The following GRAMD1A variants were observed in gnomAD, a reference collection of about 807,000 sequenced individuals.
GRAMD1A encodes protein Aster-A.
GRAMD1A carries 50 observed loss-of-function variants against 92.0 expected under a neutral mutation model. The ratio of observed to expected loss-of-function variants is 0.54; its 90% confidence interval spans 0.43 to 0.69. The LOEUF (loss-of-function observed/expected upper bound fraction) is 0.69. GRAMD1A is among the 30% of genes least tolerant of loss of function. The pLI is 0.00. For missense variants in GRAMD1A, 819 were observed against 978.9 expected, an observed-to-expected ratio of 0.84 and a Z score of 2.18; for synonymous variants, 405 against 403.6, an observed-to-expected ratio of 1.00 and a Z score of -0.04.
chr19:35,005,848 A>C, intron 1 of GRAMD1A: 8 of 456,224 alleles, frequency 1.8e-5, no homozygotes, highest in Non-Finnish European at 3.5e-5. Flanking sequence ...CATGAGCCAA[A>C]GTCCTGAAGG....
At chr19:35,020,959 GT>G (rs1225834530) in intron 13 of GRAMD1A, among the ~76,000 whole-genome samples, 1 of 152,218 alleles carries the variant, frequency 6.6e-6, no homozygotes, top group Non-Finnish European at 1.5e-5. Flanking sequence ...GATTTTGCAG[GT>G]TTAGCTGACA....
At chr19:35,022,987 T>A (rs1329206440) in intron 17 of GRAMD1A, 76 bp downstream of exon 17, 12 of 988,354 alleles carry the variant, frequency 1.2e-5, no homozygotes, top group East Asian at 3.7e-5. Flanking sequence ...CCCCACCCCA[T>A]GCCCCCCAGC....
At position 35,021,557 on chromosome 19, in the gene GRAMD1A, A is replaced by C. The variant is rs780594556; in HGVS notation, c.1531A>C (p.Ile511Leu). 3 of 1,614,028 alleles carry C rather than the reference A, an allele frequency of 1.9e-6. No individual in the cohort carries two copies. The African/African-American group carries it at 4.0e-5, about 22-fold the overall frequency. Residue 511 changes from isoleucine to leucine, a missense_variant, in exon 14 of 20, where the codon ATT becomes CTT. Coordinates refer to ENST00000317991, the MANE Select transcript of GRAMD1A (RefSeq NM_020895.5). The surrounding 1 kb of genome is among the most constrained non-coding windows in gnomAD (Gnocchi z 5.3). ...GCCGTGGAGCCTGGTGAAGTCGCTC[A>C]TTGAGAAGAACTCGTGGAGCGGCAT... ...KQPWSLVKSL[I>L]EKNSWSGIED...
At chr19:35,016,073 C>A in intron 11 of GRAMD1A, 106 bp downstream of exon 11, 3 of 1,247,514 alleles carry the variant, frequency 2.4e-6, no homozygotes, top group Non-Finnish European at 3.4e-6. Context: ...TGGGGCAAGG[C>A]GAGGTGGTGA....
At chr19:35,024,841 T>G (rs1412871558) in intron 19 of GRAMD1A, 2 of 152,306 alleles carry the variant, frequency 1.3e-5, no homozygotes, top group Non-Finnish European at 2.9e-5. Context: ...CAGGCTGGAG[T>G]GCAGTGGCAC....
chr19:35,010,237 A>G (rs928797313), intron 5 of GRAMD1A, 42 bp downstream of exon 5: 2 of 1,583,162 alleles, frequency 1.3e-6, no homozygotes, highest in Non-Finnish European at 1.7e-6. Flanking sequence ...GGGGGCCCCC[A>G]TGGCCAGGCC....
intron 1 of GRAMD1A, 77 bp from the exon 2 acceptor site, chr19:35,009,042 C>G: frequency 1.1e-6 from 1 of 917,804 alleles, no homozygotes; most frequent in African/African-American, 1.6e-5. Flanking sequence ...AATGGGTGGG[C>G]CTCTGAAAAT....
chr19:35,020,427 A>G (rs1415803884), intron 13 of GRAMD1A, among the ~76,000 whole-genome samples: 1 of 152,052 alleles, frequency 6.6e-6, no homozygotes, highest in Non-Finnish European at 1.5e-5. Context: ...AATCCCTACT[A>G]CTTGGGAGGC....
At chr19:35,007,900 A>C (rs1568320641) in intron 1 of GRAMD1A, among the ~76,000 whole-genome samples, 1 of 151,986 alleles carries the variant, frequency 6.6e-6, no homozygotes, top group Non-Finnish European at 1.5e-5. Context: ...TAAATAATGG[A>C]AATAGATTTT....
chr19:35,000,056 A>G, upstream of GRAMD1A: 2 of 985,682 alleles, frequency 2.0e-6, no homozygotes, highest in Non-Finnish European at 2.4e-6. The surrounding 1 kb of genome is among the most constrained non-coding windows in gnomAD (Gnocchi z 4.9). Context: ...TCTAGGTACT[A>G]GGGGAGGGGG....
In GRAMD1A at chr19:35,019,505, G is replaced by T; in HGVS notation, c.1447G>T (p.Gly483Cys). ...FYTAHRYCIL[G>C]LARNKARLRV... ...CACTGCCCACCGCTACTGCATCCTG[G>T]GTCTGGCCCGGAACAAGGCGCGGCT... Residue 483 changes from glycine (G) to cysteine (C), a missense_variant, in exon 13 of 20, where the codon GGT (glycine) becomes TGT (cysteine). Physicochemically the swap from Gly to Cys is radical, Grantham distance 159. Around this residue, in one of 3 missense-constraint regions of GRAMD1A, gnomAD observed 577 missense variants for 674.6 expected, o/e 0.86. Transcript: ENST00000317991. 6.2e-7 allele frequency: 1 copy of T among 1,614,054 alleles called. No homozygotes were observed.
At chr19:35,004,156 G>A (rs2014624552) in intron 1 of GRAMD1A, among the ~76,000 whole-genome samples, 1 of 152,166 alleles carries the variant, frequency 6.6e-6, no homozygotes, top group African/African-American at 2.4e-5. Flanking sequence ...TTGAGCCCAA[G>A]AGTTCGGGCC....
upstream of GRAMD1A, among the ~76,000 whole-genome samples, chr19:34,995,570 G>GTTTTTTTTTTTTTTTTTTTTTTT (rs1173583059): frequency 1.5e-4 from 12 of 80,956 alleles, 5 homozygotes; most frequent in African/African-American, 1.4e-4. Context: ...TCAGATCACG[G>GTTTTTTTTTTTTTTTTTTTTTTT]GTTTTTTTTT....
chr19:35,006,498 CA>C (rs1319033609), intron 1 of GRAMD1A, among the ~76,000 whole-genome samples: 1 of 152,110 alleles, frequency 6.6e-6, no homozygotes, highest in African/African-American at 2.4e-5. Context: ...GATAAGGAGT[CA>C]ACAAAGAATG....
chr19:35,024,290 A>T (rs11878289), intron 19 of GRAMD1A, among the ~76,000 whole-genome samples: 6,259 of 152,256 alleles, frequency 0.041, 425 homozygotes, highest in African/African-American at 0.14. Flanking sequence ...TGCAGGAAAC[A>T]CTGGATGTGG....
rs1343447980 is a variant in GRAMD1A at position 35,026,083 on chromosome 19, T to A, written c.2117T>A (p.Ile706Asn). ...KFSLEKLHQG[I>N]TVSDPPFDTQ... The stretch of plus-strand genomic sequence containing the variant: ...TCGCTGGAGAAGCTGCACCAAGGCA[T>A]CACAGTCTCAGACCCTCCCTTTGAC... The change falls in exon 20 of 20, where the codon ATC becomes AAC. Residue 706 changes from isoleucine to asparagine, a missense_variant. Ile to Asn is a moderately radical substitution (Grantham distance 149, BLOSUM62 -3). This residue lies in a region of GRAMD1A where 577 missense variants were observed against 674.6 expected (regional missense o/e 0.86). Coordinates refer to ENST00000317991, the MANE Select transcript of GRAMD1A (RefSeq NM_020895.5). The A allele has an allele frequency of 6.2e-7, 1 of 1,607,542 alleles. No individual in the cohort carries two copies. Among genetic ancestry groups the A allele is most frequent in the Non-Finnish European group, 8.5e-7 (1 of 1,174,094 alleles).
In GRAMD1A at chr19:35,019,201, G is replaced by A. The variant is rs1286526407; in HGVS notation, c.1224G>A (p.Leu408=). The change falls in exon 12 of 20, where the codon CTG becomes CTA. Residue 408 remains leucine (L), a synonymous_variant. Transcript: ENST00000317991. ...TCCTCCCTCCTCTAGACGTGACGCT[G>A]AGCCCCTGGAGTGGGGACAGCAAGT... is the stretch of plus-strand genomic sequence containing the variant. ...LQQCKFTDVT[L]SPWSGDSKCH... 6.2e-7 allele frequency: 1 copy of A among 1,609,176 alleles called. No homozygotes were observed. Among genetic ancestry groups the A allele is most frequent in the South Asian group, 1.1e-5 (1 of 90,812 alleles).
chr19:35,018,034 C>T (rs2015767173), intron 11 of GRAMD1A, among the ~76,000 whole-genome samples: 1 of 151,974 alleles, frequency 6.6e-6, no homozygotes, highest in Admixed American at 6.6e-5. Context: ...GTCGCCCCAG[C>T]TGGAATGCAG....
At chr19:35,024,428 A>G (rs2016295752) in intron 19 of GRAMD1A, among the ~76,000 whole-genome samples, 1 of 148,686 alleles carries the variant, frequency 6.7e-6, no homozygotes, top group African/African-American at 2.6e-5. Flanking sequence ...GGTCAGAGCA[A>G]GTGTCAGGCC....
Sources: allele counts gnomAD v4.1 joint callset (sites outside exome capture counted in the v4.1 genomes callset), GRCh38; gene constraint gnomAD v4.1.1; regional missense constraint gnomAD v4.1.1; non-coding constraint Gnocchi (gnomAD v3.1); transcripts MANE v1.5; gene names NCBI Gene and HGNC (gene_info 2026-07-23, HGNC 2026-07-21).